The following ARHGAP30 variants were observed in gnomAD, a reference collection of about 807,000 sequenced individuals.
The protein encoded by ARHGAP30 is rho GTPase-activating protein 30.
A neutral mutation model predicts 72.0 loss-of-function variants in ARHGAP30; 23 were observed. The observed-to-expected ratio is 0.32, with a 90% CI of 0.23 to 0.45. The LOEUF (loss-of-function observed/expected upper bound fraction) is 0.45. Among genes scored for constraint, ARHGAP30 ranks in the 20% least tolerant of loss-of-function variants. The probability of loss-of-function intolerance (pLI) is 1.00; values close to 1 mark genes in which losing one functional copy is unlikely to be tolerated. For synonymous variants in ARHGAP30, 576 were observed against 528.2 expected, an observed-to-expected ratio of 1.09 and a Z score of -1.24; for missense variants, 1,319 against 1,383.4, an observed-to-expected ratio of 0.95 and a Z score of 0.74.
Position 161,054,462 on chromosome 1 carries a change from A to C in ARHGAP30, c.440T>G (p.Phe147Cys). ...LPVPNYRTLEFLMRHLVHMAS... is the reference protein window; with the variant it reads ...LPVPNYRTLECLMRHLVHMAS... ...CATGTGTACCAAGTGCCTCATGAGGAACTCCAGGGTCCTGCAGAAAGCGGG... is the reference window on the plus strand; with the variant it reads ...CATGTGTACCAAGTGCCTCATGAGGCACTCCAGGGTCCTGCAGAAAGCGGG... The change falls in exon 5 of 12, where the codon TTC becomes TGC. Residue 147 changes from phenylalanine to cysteine, a missense_variant. Phe to Cys is a radical substitution (Grantham distance 205). Coordinates refer to ENST00000368013, the MANE Select transcript of ARHGAP30 (RefSeq NM_001025598.2). The C allele has an allele frequency of 6.2e-7, 1 of 1,613,870 alleles. No homozygotes were observed. Among genetic ancestry groups the C allele is most frequent in the Admixed American group, 1.7e-5 (1 of 59,964 alleles).
At chr1:161,062,221 C>T (rs921143898) in intron 1 of ARHGAP30, among the ~76,000 whole-genome samples, 20 of 152,146 alleles carry the variant, frequency 1.3e-4, no homozygotes, top group Non-Finnish European at 2.5e-4. Flanking sequence ...CACTTTAATC[C>T]CCATTGCTTA....
Position 161,052,426 on chromosome 1 carries a change from C to T in ARHGAP30, c.940+14G>A, listed in dbSNP as rs1402262694. On this transcript the variant is annotated intron_variant, in intron 8 of 11. Coordinates refer to ENST00000368013, the MANE Select transcript of ARHGAP30 (RefSeq NM_001025598.2). ...GCACCCTCAGCAGAGCTCCCCCCAT[C>T]TCCCCAGACTTACCCCTGTCCTCAG... The T allele has an allele frequency of 6.2e-7, 1 of 1,613,618 alleles. No homozygotes were observed.
intron 1 of ARHGAP30, among the ~76,000 whole-genome samples, chr1:161,068,500 C>T (rs776602784): frequency 6.6e-6 from 1 of 151,976 alleles, no homozygotes; most frequent in African/African-American, 2.4e-5. Context: ...ACCCTCCCTC[C>T]GCTGCAAGCA....
chr1:161,048,742 T>C lies in ARHGAP30; in HGVS notation c.2279A>G (p.Glu760Gly). The C allele has an allele frequency of 6.2e-7, 1 of 1,614,112 alleles. No individual in the cohort carries two copies. The highest frequency in any genetic ancestry group is 1.1e-5 in the South Asian group (1 of 91,082). The change falls in exon 12 of 12, where the codon GAA (glutamate) becomes GGA (glycine). Residue 760 changes from glutamate (E) to glycine (G), a missense_variant. Physicochemically the swap from Glu to Gly is moderately conservative, Grantham distance 98. This residue lies in a region of ARHGAP30 where 1,097 missense variants were observed against 1,045.2 expected (regional missense o/e 1.05). Coordinates refer to ENST00000368013, the MANE Select transcript of ARHGAP30 (RefSeq NM_001025598.2). ...GTCCCTTCCAGCTTCTACCTGGGCT[T>C]CCTCTCTTTGTTCATCCTCTTCTCT... is the stretch of plus-strand genomic sequence containing the variant. ...IEREEDEQRE[E>G]AQVEAGRDLE...
chr1:161,048,577 C>T lies in ARHGAP30; in HGVS notation c.2444G>A (p.Gly815Glu). 4.3e-6 allele frequency: 7 copies of T among 1,614,128 alleles called. No homozygotes were observed. Among genetic ancestry groups the T allele is most frequent in the Non-Finnish European group, 5.9e-6 (7 of 1,180,020 alleles). Residue 815 changes from glycine to glutamate, a missense_variant, in exon 12 of 12, where the codon GGA becomes GAA. Coordinates refer to ENST00000368013, the MANE Select transcript of ARHGAP30 (RefSeq NM_001025598.2). ...TGGGCTTCTGCTGTCTTCACCATCTCCTTGGTCTTTTCTTGCTTCATGGTA... is the reference window on the plus strand; with the variant it reads ...TGGGCTTCTGCTGTCTTCACCATCTTCTTGGTCTTTTCTTGCTTCATGGTA... Reference protein sequence around the residue: ...KGYHEARKDQGDGEDSRSPEA... With the variant: ...KGYHEARKDQEDGEDSRSPEA...
Position 161,047,887 on chromosome 1 carries a change from C to T in ARHGAP30, c.3134G>A (p.Arg1045Gln), listed in dbSNP as rs759679526. 16 of 1,611,398 alleles carry T rather than the reference C, an allele frequency of 9.9e-6. No individual in the cohort carries two copies. The highest frequency in any genetic ancestry group is 1.1e-5 in the South Asian group (1 of 90,780). Residue 1045 changes from arginine (R) to glutamine (Q), a missense_variant, in exon 12 of 12, where the codon CGG becomes CAG. Arg to Gln is a conservative substitution (Grantham distance 43). This residue lies in a region of ARHGAP30 where 1,097 missense variants were observed against 1,045.2 expected (regional missense o/e 1.05). Transcript: ENST00000368013. ...TGGGAGCTCCAGGCAGCTAAGGGGC[C>T]GAGGAGAATGGGCAGAGATCATGCT... Reference protein sequence around the residue: ...PCSMISAHSPRPLSCLELPSE... With the variant: ...PCSMISAHSPQPLSCLELPSE...
intron 2 of ARHGAP30, among the ~76,000 whole-genome samples, chr1:161,059,332 GTT>G (rs1041197985): frequency 3.9e-5 from 4 of 102,154 alleles, no homozygotes; most frequent in Non-Finnish European, 3.8e-5. Flanking sequence ...CCTGGCTCAA[GTT>G]TTTTTTTTTT....
intron 5 of ARHGAP30, 65 bp downstream of exon 5, chr1:161,054,300 TG>T: frequency 6.9e-7 from 1 of 1,441,848 alleles, no homozygotes; most frequent in Non-Finnish European, 9.6e-7. Flanking sequence ...CACCTCATCC[TG>T]GGAGCAGCCT....
chr1:161,048,056 A>G lies in ARHGAP30; in HGVS notation c.2965T>C (p.Trp989Arg). ...AAGGAAAGACTACCCCCATTCCTCCAAGAGGATCGAGAAGCTCGGGACCCC... is the reference window on the plus strand; with the variant it reads ...AAGGAAAGACTACCCCCATTCCTCCGAGAGGATCGAGAAGCTCGGGACCCC... ...AWGSRASRSS[W>R]RNGGSLSFDA... Residue 989 changes from tryptophan (W) to arginine (R), a missense_variant, in exon 12 of 12, where the codon TGG becomes CGG. Transcript: ENST00000368013. The G allele has an allele frequency of 6.2e-7, 1 of 1,614,134 alleles. No homozygotes were observed. Among genetic ancestry groups the G allele is most frequent in the Non-Finnish European group, 8.5e-7 (1 of 1,180,012 alleles).
chr1:161,067,999 ATC>A (rs34470311), intron 1 of ARHGAP30, among the ~76,000 whole-genome samples: 141,556 of 152,094 alleles, frequency 0.93, 66,007 homozygotes, highest in African/African-American at 0.98. Context: ...CAGCAATCAG[ATC>A]TGTCTGTCCC....
intron 1 of ARHGAP30, among the ~76,000 whole-genome samples, chr1:161,063,190 T>C (rs1173327283): frequency 3.3e-5 from 5 of 152,220 alleles, no homozygotes; most frequent in African/African-American, 1.2e-4. Context: ...TGACATATAA[T>C]AACATCCTCC....
intron 2 of ARHGAP30, among the ~76,000 whole-genome samples, chr1:161,058,218 A>G (rs1652033073): frequency 6.6e-6 from 1 of 152,008 alleles, no homozygotes; most frequent in Non-Finnish European, 1.5e-5. Flanking sequence ...AGGCTGAGGC[A>G]GGAGAATTGC....
Position 161,054,693 on chromosome 1 carries a change from C to G in ARHGAP30, c.358G>C (p.Val120Leu), listed in dbSNP as rs771865734. The G allele has an allele frequency of 1.9e-6, 3 of 1,614,008 alleles. No individual in the cohort carries two copies. The highest frequency in any genetic ancestry group is 3.3e-5 in the Admixed American group (2 of 60,014). ...ACCAAGCGCTCAGGTTCCAATTGCA[C>G]TCCTACAGCCTCCTGATTGAGAAGA... ...LYDKFAEAVGVQLEPERLVKI... is the reference protein window; with the variant it reads ...LYDKFAEAVGLQLEPERLVKI... Residue 120 changes from valine (V) to leucine (L), a missense_variant, in exon 4 of 12, where the codon GTG (valine) becomes CTG (leucine). Coordinates refer to ENST00000368013, the MANE Select transcript of ARHGAP30 (RefSeq NM_001025598.2).
intron 1 of ARHGAP30, among the ~76,000 whole-genome samples, chr1:161,063,953 C>T (rs1410366745): frequency 2.0e-5 from 3 of 152,210 alleles, no homozygotes; most frequent in Admixed American, 6.5e-5. Context: ...AAACCTGTCT[C>T]CTGATAAGAT....
intron 1 of ARHGAP30, among the ~76,000 whole-genome samples, chr1:161,060,517 A>C (rs149404795): frequency 1.1e-3 from 170 of 150,982 alleles, no homozygotes; most frequent in African/African-American, 4.0e-3. Flanking sequence ...GAATCACTTG[A>C]ACCAGGAGGT....
rs535934875 is a variant in ARHGAP30 at position 161,055,470 on chromosome 1, G to A, written c.346-765C>T. Among the ~76,000 whole-genome samples the A allele has an allele frequency of 8.5e-5, 13 of 152,142 alleles. No individual in the cohort carries two copies. In the East Asian group the frequency reaches 2.5e-3, roughly 29 times the overall value. ...ATCACACCACTGCACTCCGGCCTGG[G>A]TGACCGAAGGAGACCCTGTCTCAAA... On this transcript the variant is annotated intron_variant, in intron 3 of 11. Transcript: ENST00000368013.
rs1439757535 is a variant in ARHGAP30, at chr1:161,059,559, CCTT to C, written c.200+52_200+54del. On this transcript the variant is annotated intron_variant, in intron 2 of 11. Coordinates refer to ENST00000368013, the MANE Select transcript of ARHGAP30 (RefSeq NM_001025598.2). Reference sequence around the variant, plus strand: ...CTGTCCTCAGCAACTCTTACTGTGACCTTCTGGCTCCCTGGCCTCCTGGTCACA... The same window carrying C: ...CTGTCCTCAGCAACTCTTACTGTGACCTGGCTCCCTGGCCTCCTGGTCACA... 12 of 1,486,342 alleles carry C rather than the reference CCTT, an allele frequency of 8.1e-6. No individual in the cohort carries two copies. In the East Asian group the frequency reaches 2.5e-4, roughly 31 times the overall value. The allele number at this position is 1,486,342 out of a possible 1,614,324, so 92.1% of individuals were successfully genotyped here. A position where few individuals can be genotyped will look rare whatever the true frequency, so the allele number is the denominator to read the frequency against.
At position 161,054,485 on chromosome 1, in the gene ARHGAP30, G is replaced by C. The variant is rs113826546; in HGVS notation, c.429-12C>G. ...GGAACTCCAGGGTCCTGCAGAAAGCGGGGGCAGGGATCACACAGGGAATGC... is the reference window on the plus strand; with the variant it reads ...GGAACTCCAGGGTCCTGCAGAAAGCCGGGGCAGGGATCACACAGGGAATGC... On this transcript the variant is annotated splice_polypyrimidine_tract_variant and intron_variant, in intron 4 of 11. Transcript: ENST00000368013. 4 of 1,612,952 alleles carry C rather than the reference G, an allele frequency of 2.5e-6. No homozygotes were observed. Among genetic ancestry groups the C allele is most frequent in the Admixed American group, 1.7e-5 (1 of 59,900 alleles).
At chr1:161,064,781 AAG>A (rs1491337228) in intron 1 of ARHGAP30, among the ~76,000 whole-genome samples, 8 of 67,312 alleles carry the variant, frequency 1.2e-4, no homozygotes, top group Non-Finnish European at 1.9e-4. Context: ...AAGAAAGAAA[AAG>A]AAAGAAAGAA....
Sources: allele counts gnomAD v4.1 joint callset (sites outside exome capture counted in the v4.1 genomes callset), GRCh38; gene constraint gnomAD v4.1.1; regional missense constraint gnomAD v4.1.1; transcripts MANE v1.5; gene names NCBI Gene and HGNC (gene_info 2026-07-23, HGNC 2026-07-21).